Variants in STX1B observed in about 807,000 individuals in gnomAD.
STX1B encodes the protein syntaxin 1B.
Under a neutral mutation model 39.4 loss-of-function variants are expected in STX1B, and 7 were observed. The observed-to-expected ratio is 0.18, with a 90% confidence interval of 0.10 to 0.33. STX1B has a LOEUF of 0.33. STX1B is among the 10% of genes least tolerant of loss of function. The pLI is 1.00. For synonymous variants in STX1B, 136 were observed against 144.1 expected, an observed-to-expected ratio of 0.94 and a Z score of 0.40; for missense variants, 198 against 383.2, an observed-to-expected ratio of 0.52 and a Z score of 4.04.
At chr16:31,007,067 C>T (rs1026714493) in intron 1 of STX1B, among the ~76,000 whole-genome samples, 2 of 152,160 alleles carry the variant, frequency 1.3e-5, no homozygotes, top group Non-Finnish European at 2.9e-5. Context: ...GCTGTGATTG[C>T]ACCGCTGCAC....
Position 31,010,444 on chromosome 16 carries a change from T to C in STX1B, c.-48A>G. ...CTCCTAGTCCTCCTGCCTCTGCTGC[T>C]GCTCCGGGTCTCCCGCCTCTGTGCC... On this transcript the variant is annotated 5_prime_UTR_variant, in exon 1 of 10. Coordinates refer to ENST00000215095, the MANE Select transcript of STX1B (RefSeq NM_052874.5). The C allele has an allele frequency of 7.5e-7, 1 of 1,333,646 alleles. No individual in the cohort carries two copies. Among genetic ancestry groups the C allele is most frequent in the Non-Finnish European group, 9.8e-7 (1 of 1,020,038 alleles). The allele number at this position is 1,333,646 out of a possible 1,614,324, so 82.6% of individuals were successfully genotyped here.
At position 30,990,349 on chromosome 16, in the gene STX1B, G is replaced by A. The variant is rs1013395878; in HGVS notation, c.*2472C>T. The A allele has an allele frequency of 1.3e-5, 2 of 152,356 alleles. No individual in the cohort carries two copies. Among genetic ancestry groups the A allele is most frequent in the African/African-American group, 4.8e-5 (2 of 41,454 alleles). The allele number at this position is 152,356 out of a possible 1,614,324, so 9.4% of individuals were successfully genotyped here. ...GGGGCAGACTTCCTGTCCTGCAGAGGGGCGTTCTGGGAAGGGACAGGCAGG... is the reference window on the plus strand; with the variant it reads ...GGGGCAGACTTCCTGTCCTGCAGAGAGGCGTTCTGGGAAGGGACAGGCAGG... On this transcript the variant is annotated 3_prime_UTR_variant, in exon 10 of 10. Coordinates refer to ENST00000215095, the MANE Select transcript of STX1B (RefSeq NM_052874.5).
At chr16:30,994,591 A>G (rs2056581914) in intron 7 of STX1B, among the ~76,000 whole-genome samples, 1 of 143,968 alleles carries the variant, frequency 6.9e-6, no homozygotes, top group South Asian at 2.1e-4. Flanking sequence ...CCATGCTGAA[A>G]AAAAAAAAAA....
At chr16:30,997,262 C>A (rs1418068725) in intron 5 of STX1B, among the ~76,000 whole-genome samples, 1 of 152,188 alleles carries the variant, frequency 6.6e-6, no homozygotes, top group Non-Finnish European at 1.5e-5. Context: ...CCGCCCGGCA[C>A]CCCCATCTTA....
rs530641003 is a variant in STX1B at position 31,007,893 on chromosome 16, C to T, written c.30+2474G>A. On this transcript the variant is annotated intron_variant, in intron 1 of 9. Transcript: ENST00000215095. The stretch of plus-strand genomic sequence containing the variant: ...ACTCTTACTTCTCCCAACTCATACG[C>T]GAAGAAATTGAGGACCAGAGAGGTT... 9.9e-5 allele frequency among the ~76,000 whole-genome samples: 15 copies of T among 152,268 alleles called. No homozygotes were observed. The South Asian group carries it at 2.3e-3, about 23-fold the overall frequency.
chr16:30,994,224 G>A (rs567190642), intron 7 of STX1B, among the ~76,000 whole-genome samples: 129 of 150,526 alleles, frequency 8.6e-4, no homozygotes, highest in African/African-American at 2.9e-3. Flanking sequence ...CCCGGGAGGC[G>A]GAGCTTGCAG....
Position 31,001,009 on chromosome 16 carries a change from G to T in STX1B, c.206-7C>A. The T allele has an allele frequency of 6.2e-7, 1 of 1,614,176 alleles. No individual in the cohort carries two copies. Among genetic ancestry groups the T allele is most frequent in the Non-Finnish European group, 8.5e-7 (1 of 1,180,028 alleles). The stretch of plus-strand genomic sequence containing the variant: ...TCCAGCTCCTGTTTGGTCTCTGAGG[G>T]GAGGGCGAGGGCAAGTGAGATGTCT... On this transcript the variant is annotated splice_region_variant and splice_polypyrimidine_tract_variant and intron_variant, in intron 3 of 9. Coordinates refer to ENST00000215095, the MANE Select transcript of STX1B (RefSeq NM_052874.5). This position sits in a 1 kb window ranked among gnomAD's most constrained non-coding sequence, Gnocchi z 5.5.
intron 1 of STX1B, among the ~76,000 whole-genome samples, chr16:31,004,642 C>G (rs905333425): frequency 2.0e-5 from 3 of 151,132 alleles, no homozygotes; most frequent in Non-Finnish European, 2.9e-5. Context: ...TGCCACTGCA[C>G]TCCAGCCTGG....
rs1029970683 is a variant in STX1B at position 30,997,482 on chromosome 16, A to C, written c.354+20T>G. ...CGAGCTGGGTCCCGACCCGACCCCCAATGGGCTGCCGCCTCCTACCTGGGT... is the reference window on the plus strand; with the variant it reads ...CGAGCTGGGTCCCGACCCGACCCCCCATGGGCTGCCGCCTCCTACCTGGGT... On this transcript the variant is annotated intron_variant, in intron 5 of 9. Transcript: ENST00000215095. 2 of 1,588,914 alleles carry C rather than the reference A, an allele frequency of 1.3e-6. No individual in the cohort carries two copies. The highest frequency in any genetic ancestry group is 1.7e-6 in the Non-Finnish European group (2 of 1,168,602).
chr16:31,003,413 T>C (rs2056641343), intron 1 of STX1B, among the ~76,000 whole-genome samples: 2 of 152,050 alleles, frequency 1.3e-5, no homozygotes, highest in Admixed American at 1.3e-4. Flanking sequence ...ACCATGATGC[T>C]CTTCACTTTC....
At chr16:31,007,894 GA>G (rs2056662630) in intron 1 of STX1B, among the ~76,000 whole-genome samples, 1 of 152,162 alleles carries the variant, frequency 6.6e-6, no homozygotes, top group African/African-American at 2.4e-5. Context: ...ACTCATACGC[GA>G]AGAAATTGAG....
At chr16:30,994,892 C>CTTTTTTTTTTTTTTTTTTTTT (rs10524041) in intron 7 of STX1B, among the ~76,000 whole-genome samples, 98 of 99,780 alleles carry the variant, frequency 9.8e-4, no homozygotes, top group East Asian at 2.7e-3. Flanking sequence ...GTCTCCCCGT[C>CTTTTTTTTTTTTTTTTTTTTT]TTTTTTTTTT....
At chr16:31,007,699 TA>T (rs1434177772) in intron 1 of STX1B, among the ~76,000 whole-genome samples, 18 of 152,210 alleles carry the variant, frequency 1.2e-4, no homozygotes, top group African/African-American at 4.3e-4. Context: ...CAAAATAAAA[TA>T]GGGGCCATGT....
chr16:31,005,573 G>A (rs1017367642), intron 1 of STX1B, among the ~76,000 whole-genome samples: 3 of 145,296 alleles, frequency 2.1e-5, no homozygotes, highest in Admixed American at 7.3e-5. Context: ...CTCCCAAAGC[G>A]CTGGGATGAC....
chr16:31,004,288 C>T (rs1461609168), intron 1 of STX1B, among the ~76,000 whole-genome samples: 1 of 152,178 alleles, frequency 6.6e-6, no homozygotes, highest in East Asian at 1.9e-4. Flanking sequence ...TCTATGTGCT[C>T]CACATATATC....
rs992375387 is a variant in STX1B, at chr16:30,989,493, A to T, written c.*3328T>A. On this transcript the variant is annotated 3_prime_UTR_variant, in exon 10 of 10. Coordinates refer to ENST00000215095, the MANE Select transcript of STX1B (RefSeq NM_052874.5). ...TGGCTCTGGGCCCCAGCCAGGCCCC[A>T]GGAGTCCTGTCCCCTCTGAGAAGGG... 2.0e-5 allele frequency: 3 copies of T among 152,176 alleles called. No individual in the cohort carries two copies. Among genetic ancestry groups the T allele is most frequent in the African/African-American group, 7.2e-5 (3 of 41,432 alleles). The allele number at this position is 152,176 out of a possible 1,614,324, so 9.4% of individuals were successfully genotyped here.
Position 30,992,435 on chromosome 16 carries a change from G to T in STX1B, c.*386C>A. On this transcript the variant is annotated 3_prime_UTR_variant, in exon 10 of 10. Coordinates refer to ENST00000215095, the MANE Select transcript of STX1B (RefSeq NM_052874.5). ...GTGATGGACTGCTGTGTTACACTTGGCTGCAGTCTACACAACAGCCCCGGT... is the reference window on the plus strand; with the variant it reads ...GTGATGGACTGCTGTGTTACACTTGTCTGCAGTCTACACAACAGCCCCGGT... The T allele has an allele frequency of 4.5e-6, 1 of 221,682 alleles. No homozygotes were observed. Among genetic ancestry groups the T allele is most frequent in the South Asian group, 8.8e-5 (1 of 11,338 alleles). The allele number at this position is 221,682 out of a possible 1,614,324, so 13.7% of individuals were successfully genotyped here.
At chr16:31,009,121 CCTT>C (rs1366020837) in intron 1 of STX1B, among the ~76,000 whole-genome samples, 2 of 152,146 alleles carry the variant, frequency 1.3e-5, no homozygotes, top group Non-Finnish European at 2.9e-5. Flanking sequence ...CCTCCAAACA[CCTT>C]CTTCTCGTCT....
chr16:31,002,143 AC>A (rs1312816167), intron 1 of STX1B, among the ~76,000 whole-genome samples: 3 of 151,634 alleles, frequency 2.0e-5, no homozygotes, highest in African/African-American at 7.3e-5. Flanking sequence ...TACGGGCAGC[AC>A]CCCGACCTCC....
Sources: gnomAD v4.1 joint callset for allele counts (sites outside exome capture counted in the v4.1 genomes callset) on GRCh38, gnomAD v4.1.1 for gene constraint, Gnocchi (gnomAD v3.1) non-coding constraint, MANE v1.5 for transcripts, NCBI Gene and HGNC (gene_info 2026-07-23, HGNC 2026-07-21) for gene names.